The following SYBU variants were observed in gnomAD, a reference collection of about 807,000 sequenced individuals.
The protein encoded by SYBU is GOLSYN A protein.
SYBU carries 21 observed loss-of-function variants against 35.9 expected under a neutral mutation model. The observed-to-expected ratio is 0.58, with a 90% confidence interval of 0.41 to 0.84. The LOEUF (loss-of-function observed/expected upper bound fraction) is 0.84. Among genes scored for constraint, SYBU ranks in the 40% least tolerant of loss-of-function variants. The pLI, the probability that SYBU is intolerant of heterozygous loss-of-function variation, is 0.00. For missense variants in SYBU, 768 were observed against 848.2 expected, an observed-to-expected ratio of 0.91 and a Z score of 1.17; for synonymous variants, 319 against 324.3, an observed-to-expected ratio of 0.98 and a Z score of 0.18.
rs149138984 is a variant in SYBU, at chr8:109,679,824, G to A, written c.-129+887C>T. On this transcript the variant is annotated intron_variant, in intron 1 of 5. Transcript: ENST00000408889. ...CAACCTTTCCCCTCTTGCTGAGGTG[G>A]GAGTTTAACTGGTACCCACTTAATG... Among the ~76,000 whole-genome samples, 103 of 152,278 alleles carry A rather than the reference G, an allele frequency of 6.8e-4. 2 individuals carry two copies. Among genetic ancestry groups the A allele is most frequent in the Middle Eastern group, 6.8e-3 (2 of 294 alleles).
At chr8:109,605,515 C>T (rs934932962) in intron 3 of SYBU, among the ~76,000 whole-genome samples, 1 of 152,146 alleles carries the variant, frequency 6.6e-6, no homozygotes, top group Non-Finnish European at 1.5e-5. Flanking sequence ...CCTTGGTGCA[C>T]ATGCCACGTT....
chr8:109,612,366 T>C (rs1201585749), intron 3 of SYBU, among the ~76,000 whole-genome samples: 2 of 152,210 alleles, frequency 1.3e-5, no homozygotes, highest in African/African-American at 2.4e-5. Context: ...TCATAGTATC[T>C]GAAATAGCTT....
intron 1 of SYBU, among the ~76,000 whole-genome samples, chr8:109,660,967 C>T (rs962957923): frequency 1.3e-5 from 2 of 152,044 alleles, no homozygotes; most frequent in African/African-American, 2.4e-5. Context: ...GTGTCATACC[C>T]AAGAATTATA....
upstream of SYBU, among the ~76,000 whole-genome samples, chr8:109,648,472 A>G (rs1815943293): frequency 6.6e-6 from 1 of 152,024 alleles, no homozygotes; most frequent in South Asian, 2.1e-4. Context: ...TCACATATAT[A>G]ATTTTATTTG....
At chr8:109,620,959 A>G (rs1041814529) in intron 2 of SYBU, among the ~76,000 whole-genome samples, 2 of 152,160 alleles carry the variant, frequency 1.3e-5, no homozygotes, top group Admixed American at 1.3e-4. Flanking sequence ...CTTAATTCCT[A>G]TCCCAAAGCA....
In SYBU at chr8:109,580,005, G is replaced by T; in HGVS notation, c.531-3C>A. The T allele has an allele frequency of 1.9e-6, 3 of 1,611,762 alleles. No homozygotes were observed. The highest frequency in any genetic ancestry group is 2.5e-6 in the Non-Finnish European group (3 of 1,179,308). ...TACTCCGCCCATGAGGACCTCGACT[G>T]GGAGAAAAGAATGAAAAATGTTAAA... On this transcript the variant is annotated splice_region_variant and splice_polypyrimidine_tract_variant and intron_variant, in intron 4 of 6. Transcript: ENST00000276646.
intron 1 of SYBU, among the ~76,000 whole-genome samples, chr8:109,689,621 C>T (rs890781283): frequency 6.6e-6 from 1 of 152,180 alleles, no homozygotes; most frequent in East Asian, 1.9e-4. Flanking sequence ...CGCAAGCCAC[C>T]ATGCCAGGCC....
chr8:109,685,165 A>C (rs1417287197), upstream of SYBU, among the ~76,000 whole-genome samples: 2 of 152,246 alleles, frequency 1.3e-5, no homozygotes, highest in Non-Finnish European at 2.9e-5. Context: ...AGGAAATTGT[A>C]ATAATTGTAG....
intron 1 of SYBU, among the ~76,000 whole-genome samples, chr8:109,651,917 T>C (rs1485355998): frequency 6.6e-6 from 1 of 152,200 alleles, no homozygotes; most frequent in Non-Finnish European, 1.5e-5. Context: ...TTAGAAAAGA[T>C]ATTGCCAGGA....
intron 1 of SYBU, chr8:109,644,347 A>T: frequency 1.7e-6 from 1 of 604,974 alleles, no homozygotes; most frequent in Non-Finnish European, 3.0e-6. Context: ...CACATCACAC[A>T]CACAGGATAT....
At chr8:109,606,722 G>C (rs974300976) in intron 3 of SYBU, among the ~76,000 whole-genome samples, 3 of 152,152 alleles carry the variant, frequency 2.0e-5, no homozygotes, top group African/African-American at 7.2e-5. Context: ...CAGTGACAAA[G>C]CCAGGGACAG....
intron 6 of SYBU, among the ~76,000 whole-genome samples, chr8:109,577,629 C>T (rs1305421252): frequency 2.0e-5 from 3 of 152,076 alleles, no homozygotes; most frequent in Non-Finnish European, 2.9e-5. Context: ...CAACAAAAAA[C>T]GACAACAACA....
intron 1 of SYBU, among the ~76,000 whole-genome samples, chr8:109,656,128 AAT>A (rs202186502): frequency 6.8e-6 from 1 of 148,026 alleles, no homozygotes; most frequent in Non-Finnish European, 1.5e-5. Context: ...AAAAAAAAAA[AAT>A]TACACACCAT....
intron 1 of SYBU, among the ~76,000 whole-genome samples, chr8:109,673,527 A>G (rs1817067424): frequency 6.6e-6 from 1 of 152,230 alleles, no homozygotes; most frequent in Non-Finnish European, 1.5e-5. Context: ...ACACCATACA[A>G]GAATCACCAG....
chr8:109,647,252 C>T (rs998857862), upstream of SYBU: 3 of 152,134 alleles, frequency 2.0e-5, no homozygotes, highest in African/African-American at 7.2e-5. Context: ...CCCTGCCACT[C>T]TTCCCTTACA....
intron 1 of SYBU, among the ~76,000 whole-genome samples, chr8:109,671,561 C>G (rs1328034163): frequency 6.6e-6 from 1 of 152,180 alleles, no homozygotes; most frequent in African/African-American, 2.4e-5. Flanking sequence ...CCAACAGCAC[C>G]TTACCCTAAA....
At chr8:109,687,379 C>T (rs1305184096) in intron 1 of SYBU, among the ~76,000 whole-genome samples, 1 of 152,154 alleles carries the variant, frequency 6.6e-6, no homozygotes, top group African/African-American at 2.4e-5. Flanking sequence ...AGACATTTAA[C>T]AAGTTATGAA....
At chr8:109,578,804 C>G (rs1004424646) in intron 5 of SYBU, among the ~76,000 whole-genome samples, 6 of 152,178 alleles carry the variant, frequency 3.9e-5, no homozygotes, top group African/African-American at 1.4e-4. Flanking sequence ...GTGCCACTGC[C>G]TAAAGATCCT....
chr8:109,589,032 C>T (rs1222415021), intron 3 of SYBU, among the ~76,000 whole-genome samples: 6 of 152,034 alleles, frequency 3.9e-5, no homozygotes, highest in Admixed American at 2.6e-4. Flanking sequence ...TGGTGGTGAG[C>T]GCCTGTAATC....
Sources: allele counts gnomAD v4.1 joint callset (sites outside exome capture counted in the v4.1 genomes callset), GRCh38; gene constraint gnomAD v4.1.1; transcripts MANE v1.5; gene names NCBI Gene and HGNC (gene_info 2026-07-23, HGNC 2026-07-21).